TPCN2: variants seen among roughly 807,000 people sequenced by gnomAD.
TPCN2 encodes the protein two pore segment channel 2.
In TPCN2, 92 loss-of-function variants were observed where a neutral mutation model predicts 111.4. The ratio of observed to expected loss-of-function variants is 0.83; its 90% CI spans 0.70 to 0.98. The LOEUF is 0.98. Among genes scored for constraint, TPCN2 ranks in the 50% least tolerant of loss-of-function variants. The pLI, the probability that TPCN2 is intolerant of heterozygous loss-of-function variation, is 0.00. For synonymous variants in TPCN2, 405 were observed against 414.5 expected, an observed-to-expected ratio of 0.98 and a Z score of 0.28; for missense variants, 995 against 980.1, an observed-to-expected ratio of 1.02 and a Z score of -0.20.
chr11:69,089,161 C>G lies in TPCN2; in HGVS notation c.*1208C>G, dbSNP rs1403078203. Reference sequence around the variant, plus strand: ...ATGGTGGGGGAGGGGGCGACCCGAACAACAGTGCAGTCGGTATCGAGATTG... The same window carrying G: ...ATGGTGGGGGAGGGGGCGACCCGAAGAACAGTGCAGTCGGTATCGAGATTG... On this transcript the variant is annotated 3_prime_UTR_variant, in exon 25 of 25. Coordinates refer to ENST00000294309, the MANE Select transcript of TPCN2 (RefSeq NM_139075.4). The G allele has an allele frequency of 1.3e-5, 2 of 152,380 alleles. No individual in the cohort carries two copies. The highest frequency in any genetic ancestry group is 2.4e-5 in the African/African-American group (1 of 41,470). 9.4% of individuals were successfully genotyped at this position (152,380 alleles called of 1,614,324 possible). A position where few individuals can be genotyped will look rare whatever the true frequency, so the allele number is the denominator to read the frequency against.
Position 69,071,337 on chromosome 11 carries a change from T to C in TPCN2, c.896-19T>C. 1 of 1,612,292 alleles carries C rather than the reference T, an allele frequency of 6.2e-7. No individual in the cohort carries two copies. The highest frequency in any genetic ancestry group is 8.5e-7 in the Non-Finnish European group (1 of 1,178,938). ...GCTGTACTGGTGGCGCCCCTGACCG[T>C]GGCTGTCTCCTCTTGAAGGAAGCCT... is the stretch of plus-strand genomic sequence containing the variant. On this transcript the variant is annotated intron_variant, in intron 9 of 24. Transcript: ENST00000294309.
chr11:69,056,023 A>G (rs144441499), intron 4 of TPCN2, among the ~76,000 whole-genome samples: 1,653 of 152,344 alleles, frequency 0.011, 31 homozygotes, highest in African/African-American at 0.037. Context: ...TTTGGTGCTC[A>G]CCTAAGCTTC....
chr11:69,077,012 AC>A (rs1855802987), intron 13 of TPCN2, among the ~76,000 whole-genome samples: 1 of 43,452 alleles, frequency 2.3e-5, no homozygotes, highest in Non-Finnish European at 4.5e-5. Flanking sequence ...ACGTCCCTCC[AC>A]CTGCCCTCCT....
chr11:69,063,100 C>T (rs768271815), intron 6 of TPCN2, 110 bp downstream of exon 6: 26 of 933,722 alleles, frequency 2.8e-5, no homozygotes, highest in Middle Eastern at 2.6e-4. Flanking sequence ...CTGCGTGCTC[C>T]GCATCCCTGG....
intron 3 of TPCN2, 106 bp downstream of exon 3, chr11:69,054,903 C>A (rs911611462): frequency 8.6e-7 from 1 of 1,168,890 alleles, no homozygotes; most frequent in Non-Finnish European, 1.2e-6. Context: ...GGCAGGCTCC[C>A]CACTACATAG....
At chr11:69,086,451 G>A (rs973160532) in intron 22 of TPCN2, 72 bp from the exon 23 acceptor site, 2 of 1,272,132 alleles carry the variant, frequency 1.6e-6, no homozygotes, top group African/African-American at 1.5e-5. Flanking sequence ...TGGCCACGCA[G>A]CAGTGGTGTT....
chr11:69,086,993 G>A (rs1856310069), intron 23 of TPCN2, 119 bp from the exon 24 acceptor site: 2 of 797,494 alleles, frequency 2.5e-6, no homozygotes, highest in African/African-American at 3.4e-5. Flanking sequence ...GGGTGTCCAG[G>A]GTGAATGGCT....
chr11:69,076,848 T>C (rs199586759), intron 13 of TPCN2, among the ~76,000 whole-genome samples: 41 of 23,386 alleles, frequency 1.8e-3, no homozygotes, highest in Admixed American at 4.9e-3. Context: ...GTCCCTCCAC[T>C]TGCCCTCCTG....
intron 13 of TPCN2, among the ~76,000 whole-genome samples, chr11:69,076,644 C>T: frequency 8.3e-6 from 1 of 119,782 alleles, no homozygotes; most frequent in East Asian, 3.1e-4. Context: ...CTCCACCTGC[C>T]CTCCTGCCGT....
At chr11:69,079,221 T>A in intron 16 of TPCN2, 1 of 648,732 alleles carries the variant, frequency 1.5e-6, no homozygotes, top group Admixed American at 3.3e-5. Flanking sequence ...GAGGCTGGGT[T>A]TCTACTGCAT....
In TPCN2 at chr11:69,055,328, C is replaced by T; in HGVS notation, c.405C>T (p.Val135=). ...TESVEVLCLL[V]FAADLSVKGY... ...GTGTCGAGGTGCTCTGCCTGCTGGT[C>T]TTTGCGGCCGACCTCTCTGTGAAGG... The change falls in exon 4 of 25, where the codon GTC becomes GTT. Residue 135 remains valine (V), a synonymous_variant. Transcript: ENST00000294309. 6.2e-7 allele frequency: 1 copy of T among 1,611,710 alleles called. No homozygotes were observed. The highest frequency in any genetic ancestry group is 8.5e-7 in the Non-Finnish European group (1 of 1,179,416).
At chr11:69,084,842 G>C (rs1229321764) in intron 19 of TPCN2, 2 of 978,374 alleles carry the variant, frequency 2.0e-6, no homozygotes, top group East Asian at 2.3e-4. Flanking sequence ...CTGAGGCCCA[G>C]AAAGGGGACC....
At chr11:69,054,125 G>C (rs1270958527) in intron 2 of TPCN2, 28 bp downstream of exon 2, 1 of 1,602,156 alleles carries the variant, frequency 6.2e-7, no homozygotes, top group African/African-American at 1.3e-5. Flanking sequence ...CCTGTGGCCG[G>C]GCCTGGGGGG....
chr11:69,050,945 C>A (rs1437512732), intron 1 of TPCN2, among the ~76,000 whole-genome samples: 2 of 152,236 alleles, frequency 1.3e-5, no homozygotes, highest in Non-Finnish European at 2.9e-5. Flanking sequence ...TCAGCCAGGG[C>A]TTCTGAGAAC....
At chr11:69,055,621 G>A (rs906011017) in intron 4 of TPCN2, among the ~76,000 whole-genome samples, 39 of 151,494 alleles carry the variant, frequency 2.6e-4, no homozygotes, top group African/African-American at 8.1e-4. Context: ...CCAGTGTGCC[G>A]TCAGCTCTCC....
intron 1 of TPCN2, among the ~76,000 whole-genome samples, chr11:69,051,177 C>T (rs552942648): frequency 6.6e-6 from 1 of 152,246 alleles, no homozygotes; most frequent in South Asian, 2.1e-4. Context: ...GCCCCAAGGA[C>T]CCCAGTGGAC....
intron 19 of TPCN2, chr11:69,084,766 C>T (rs547239874): frequency 4.0e-5 from 39 of 985,448 alleles, no homozygotes; most frequent in Admixed American, 1.8e-4. Flanking sequence ...TGGAAATAGA[C>T]GCTGGGAAGA....
chr11:69,073,130 A>G, intron 13 of TPCN2, 129 bp downstream of exon 13: 1 of 668,676 alleles, frequency 1.5e-6, no homozygotes, highest in South Asian at 1.8e-5. Context: ...GGCTCCTAGT[A>G]TGGGAACTGG....
rs575646128 is a variant in TPCN2, at chr11:69,060,449, TG to T, written c.547-2432del. Among the ~76,000 whole-genome samples, 162 of 151,824 alleles carry T rather than the reference TG, an allele frequency of 1.1e-3. 2 individuals carry two copies. Among genetic ancestry groups the T allele is most frequent in the African/African-American group, 3.1e-3 (127 of 41,360 alleles). On this transcript the variant is annotated intron_variant, in intron 5 of 24. Coordinates refer to ENST00000294309, the MANE Select transcript of TPCN2 (RefSeq NM_139075.4). ...GGTGCCCTCCAGCCTTGTGGCCGAG[TG>T]GGTTGGATAATATGGAGGCTGCCGG...
Sources: allele counts gnomAD v4.1 joint callset (sites outside exome capture counted in the v4.1 genomes callset), GRCh38; gene constraint gnomAD v4.1.1; transcripts MANE v1.5; gene names NCBI Gene and HGNC (gene_info 2026-07-23, HGNC 2026-07-21).